NR1H4: variants seen among roughly 807,000 people sequenced by gnomAD.
The protein encoded by NR1H4 is bile acid receptor.
Under a neutral mutation model 58.5 loss-of-function variants are expected in NR1H4, and 23 were observed. That is an observed-to-expected ratio of 0.39 (90% CI 0.28 to 0.56). The LOEUF (loss-of-function observed/expected upper bound fraction) is 0.56. Ranked by LOEUF, NR1H4 falls within the 20% of genes least tolerant of loss-of-function variation. The pLI, the probability that NR1H4 is intolerant of heterozygous loss-of-function variation, is 0.58. For missense variants in NR1H4, 487 were observed against 576.9 expected, an observed-to-expected ratio of 0.84 and a Z score of 1.60; for synonymous variants, 214 against 198.0, an observed-to-expected ratio of 1.08 and a Z score of -0.68.
At chr12:100,512,239 T>A (rs1218554687) in intron 4 of NR1H4, among the ~76,000 whole-genome samples, 1 of 151,448 alleles carries the variant, frequency 6.6e-6, no homozygotes, top group African/African-American at 2.4e-5. Context: ...CCTCAAAAAA[T>A]ATATATTTTA....
chr12:100,539,896 C>G (rs1954897543), intron 8 of NR1H4, among the ~76,000 whole-genome samples: 1 of 152,010 alleles, frequency 6.6e-6, no homozygotes, highest in Admixed American at 6.6e-5. Flanking sequence ...GGCTTGATTG[C>G]AGGAAGGAGC....
chr12:100,544,983 G>A (rs1955025637), intron 9 of NR1H4, among the ~76,000 whole-genome samples: 1 of 152,118 alleles, frequency 6.6e-6, no homozygotes, highest in African/African-American at 2.4e-5. Flanking sequence ...GTTGATTCAG[G>A]TGCCAGACAA....
At chr12:100,481,685 C>G (rs868788916) in intron 1 of NR1H4, among the ~76,000 whole-genome samples, 5 of 152,070 alleles carry the variant, frequency 3.3e-5, no homozygotes, top group Middle Eastern at 3.2e-3. Context: ...GAGGCCGAAG[C>G]TGGCAGATCA....
intron 1 of NR1H4, among the ~76,000 whole-genome samples, chr12:100,485,678 A>G (rs1953476826): frequency 6.6e-6 from 1 of 151,856 alleles, no homozygotes; most frequent in Admixed American, 6.6e-5. Context: ...GATTACAGGC[A>G]TGTGTCACCA....
chr12:100,481,118 G>A (rs1048408975), intron 1 of NR1H4, among the ~76,000 whole-genome samples: 9 of 152,128 alleles, frequency 5.9e-5, no homozygotes, highest in Admixed American at 3.3e-4. Context: ...AGGTCCAAGG[G>A]CTAGCGAAAC....
At chr12:100,516,533 A>AT (rs1954270672) in intron 4 of NR1H4, among the ~76,000 whole-genome samples, 1 of 152,040 alleles carries the variant, frequency 6.6e-6, no homozygotes, top group Non-Finnish European at 1.5e-5. Context: ...CGCCCGGCTA[A>AT]TTTTTTGTAT....
At chr12:100,534,800 T>A in intron 5 of NR1H4, 90 bp from the exon 6 acceptor site, 1 of 1,476,362 alleles carries the variant, frequency 6.8e-7, no homozygotes, top group African/African-American at 1.4e-5. Context: ...TAGGGGATCT[T>A]CTGGGCCAGG....
In NR1H4 at chr12:100,532,465, C is replaced by T. The variant is rs1337575588; in HGVS notation, c.453C>T (p.Phe151=). The T allele has an allele frequency of 1.9e-6, 3 of 1,614,046 alleles. 1 individual carries two copies. Among genetic ancestry groups the T allele is most frequent in the South Asian group, 1.1e-5 (1 of 91,080 alleles). ...TCAGTGTTTCTCCCACAGGTTTCTT[C>T]AGGAGAAGCATTACCAAAAACGCTG... ...ALTCEGCKGF[F]RRSITKNAVY... The change falls in exon 5 of 11, where the codon TTC becomes TTT. Residue 151 remains phenylalanine, a synonymous_variant. Transcript: ENST00000392986.
chr12:100,480,827 C>T (rs759731060), intron 1 of NR1H4, among the ~76,000 whole-genome samples: 1 of 152,208 alleles, frequency 6.6e-6, no homozygotes, highest in Non-Finnish European at 1.5e-5. Flanking sequence ...TCATGTTGCT[C>T]ATTCAGATGT....
intron 1 of NR1H4, among the ~76,000 whole-genome samples, chr12:100,488,804 C>T (rs1037638367): frequency 2.0e-5 from 3 of 152,136 alleles, no homozygotes; most frequent in African/African-American, 7.2e-5. Flanking sequence ...GTAAAAATGT[C>T]AATTTTTATA....
chr12:100,534,348 G>T (rs1049169797), intron 5 of NR1H4, among the ~76,000 whole-genome samples: 11 of 152,102 alleles, frequency 7.2e-5, no homozygotes, highest in Non-Finnish European at 5.9e-5. Context: ...TTCCCTAAAG[G>T]ATGTTAACAT....
At chr12:100,549,857 G>T (rs923976295) in intron 9 of NR1H4, among the ~76,000 whole-genome samples, 1 of 152,016 alleles carries the variant, frequency 6.6e-6, no homozygotes, top group Admixed American at 6.5e-5. Context: ...TCAGAACATT[G>T]CCTCTTCCAC....
intron 9 of NR1H4, among the ~76,000 whole-genome samples, chr12:100,561,127 T>C (rs1179180123): frequency 6.6e-6 from 1 of 152,032 alleles, no homozygotes; most frequent in Non-Finnish European, 1.5e-5. Context: ...CTGGGCGCGG[T>C]GGCTCACGCC....
At chr12:100,556,524 C>A (rs939095675) in intron 9 of NR1H4, among the ~76,000 whole-genome samples, 8 of 151,282 alleles carry the variant, frequency 5.3e-5, no homozygotes, top group Admixed American at 2.6e-4. Flanking sequence ...CAAAATAATT[C>A]ATCACCTTCC....
intron 5 of NR1H4, among the ~76,000 whole-genome samples, chr12:100,534,638 C>G (rs1954772589): frequency 6.6e-6 from 1 of 151,704 alleles, no homozygotes; most frequent in Admixed American, 6.6e-5. Context: ...TTAATCTACA[C>G]AAAACTCTAT....
chr12:100,543,694 T>C (rs903239474), intron 9 of NR1H4, among the ~76,000 whole-genome samples: 1 of 152,036 alleles, frequency 6.6e-6, no homozygotes, highest in African/African-American at 2.4e-5. Context: ...TCCTGATGGG[T>C]GGTTTAGCTA....
intron 3 of NR1H4, among the ~76,000 whole-genome samples, chr12:100,504,293 A>C (rs1953906628): frequency 6.6e-6 from 1 of 152,148 alleles, no homozygotes; most frequent in Non-Finnish European, 1.5e-5. Context: ...AGCAAGAAAA[A>C]ACTCGAGTCA....
chr12:100,536,879 A>G, intron 7 of NR1H4, 69 bp from the exon 8 acceptor site: 3 of 940,708 alleles, frequency 3.2e-6, no homozygotes, highest in Non-Finnish European at 4.9e-6. Flanking sequence ...GTTTTTCTTT[A>G]GTCTAATGGT....
At chr12:100,525,018 C>G (rs1262800559) in intron 4 of NR1H4, among the ~76,000 whole-genome samples, 2 of 152,156 alleles carry the variant, frequency 1.3e-5, no homozygotes, top group Non-Finnish European at 2.9e-5. Context: ...AAAGCTTAAA[C>G]TCATCAGTTA....
Sources: allele counts gnomAD v4.1 joint callset (sites outside exome capture counted in the v4.1 genomes callset), GRCh38; gene constraint gnomAD v4.1.1; transcripts MANE v1.5; gene names NCBI Gene and HGNC (gene_info 2026-07-23, HGNC 2026-07-21).